The following KCNQ1 variants were observed in gnomAD, a reference collection of about 807,000 sequenced individuals.
KCNQ1 encodes the protein potassium voltage-gated channel subfamily Q member 1.
Under a neutral mutation model 72.4 loss-of-function variants are expected in KCNQ1, and 49 were observed. That is an observed-to-expected ratio of 0.68 (90% CI 0.54 to 0.86). The LOEUF is 0.86. Ranked by LOEUF, KCNQ1 falls within the 40% of genes least tolerant of loss-of-function variation. The pLI is 0.00. For synonymous variants in KCNQ1, 450 were observed against 412.6 expected (o/e 1.09, Z -1.10); for missense variants, 790 against 945.1 (o/e 0.84, Z 2.15).
intron 15 of KCNQ1, among the ~76,000 whole-genome samples, chr11:2,792,600 C>A (rs982154454): frequency 2.6e-5 from 4 of 152,300 alleles, no homozygotes; most frequent in Non-Finnish European, 5.9e-5. Context: ...CTATGGATAT[C>A]TAGAGGAAGA....
intron 2 of KCNQ1, among the ~76,000 whole-genome samples, chr11:2,534,054 G>A (rs768470907): frequency 3.0e-4 from 46 of 152,156 alleles, no homozygotes; most frequent in Non-Finnish European, 6.0e-4. Flanking sequence ...AGCCTCCACT[G>A]CCTGGGTTTC....
At chr11:2,594,833 C>T (rs932815351) in intron 10 of KCNQ1, among the ~76,000 whole-genome samples, 2 of 152,166 alleles carry the variant, frequency 1.3e-5, no homozygotes, top group African/African-American at 4.8e-5. Flanking sequence ...TCTATCCTGT[C>T]ATTTCATCAT....
chr11:2,561,229 A>T (rs1273129442), intron 2 of KCNQ1, among the ~76,000 whole-genome samples: 2 of 151,794 alleles, frequency 1.3e-5, no homozygotes, highest in Non-Finnish European at 2.9e-5. Context: ...AAAAAGAAAA[A>T]AAAGGAACTC....
chr11:2,717,678 G>A (rs1851116161), intron 11 of KCNQ1, among the ~76,000 whole-genome samples: 1 of 152,208 alleles, frequency 6.6e-6, no homozygotes, highest in Non-Finnish European at 1.5e-5. Context: ...TCTTAATTTT[G>A]TTTTAAACAC....
intron 15 of KCNQ1, among the ~76,000 whole-genome samples, chr11:2,804,289 C>A (rs758132302): frequency 5.9e-5 from 9 of 152,280 alleles, no homozygotes; most frequent in Admixed American, 2.0e-4. Context: ...CCTCCTGCAA[C>A]GTCATTTTGC....
chr11:2,793,710 A>G (rs901973570), intron 15 of KCNQ1, among the ~76,000 whole-genome samples: 7 of 152,200 alleles, frequency 4.6e-5, no homozygotes, highest in Non-Finnish European at 8.8e-5. Flanking sequence ...AGCAGAAAGG[A>G]AAAAAGCAAA....
At chr11:2,739,365 C>T (rs1284132184) in intron 11 of KCNQ1, among the ~76,000 whole-genome samples, 4 of 152,200 alleles carry the variant, frequency 2.6e-5, no homozygotes, top group Non-Finnish European at 5.9e-5. Context: ...AACACATGTG[C>T]ACCCGGCAGT....
At chr11:2,461,418 C>A in intron 1 of KCNQ1, 1 of 1,277,024 alleles carries the variant, frequency 7.8e-7, no homozygotes, top group Non-Finnish European at 1.0e-6. Flanking sequence ...GGTGAGCCGG[C>A]CGGGGCGGGG....
Position 2,541,332 on chromosome 11 carries a change from A to G in KCNQ1, c.477+13314A>G, listed in dbSNP as rs946162543. On this transcript the variant is annotated intron_variant, in intron 2 of 15. Transcript: ENST00000155840. This position sits in a 1 kb window ranked among gnomAD's most constrained non-coding sequence, Gnocchi z 4.8. ...GAATGATGCGTGCATTCAGAGCAGC[A>G]TTTGGTGGGGAACCTGGGGGAAGGG... Among the ~76,000 whole-genome samples the G allele has an allele frequency of 6.6e-6, 1 of 152,202 alleles. No individual in the cohort carries two copies. Among genetic ancestry groups the G allele is most frequent in the Non-Finnish European group, 1.5e-5 (1 of 68,040 alleles).
At chr11:2,838,599 T>C (rs1301094992) in intron 15 of KCNQ1, among the ~76,000 whole-genome samples, 5 of 151,912 alleles carry the variant, frequency 3.3e-5, no homozygotes, top group Non-Finnish European at 7.4e-5. Context: ...GCTGGTGCGC[T>C]CAGAGGTTCC....
Position 2,762,709 on chromosome 11 carries a change from A to C in KCNQ1, c.1515-6135A>C, listed in dbSNP as rs529625955. On this transcript the variant is annotated intron_variant, in intron 11 of 15. Coordinates refer to ENST00000155840, the MANE Select transcript of KCNQ1 (RefSeq NM_000218.3). The surrounding 1 kb of genome is among the most constrained non-coding windows in gnomAD (Gnocchi z 4.3). Reference sequence around the variant, plus strand: ...TCGCAGGAGCGCGAACCCTGTTGTGAATGCACATGTGAGGGGTCTAGGCTG... The same window carrying C: ...TCGCAGGAGCGCGAACCCTGTTGTGCATGCACATGTGAGGGGTCTAGGCTG... 6.6e-6 allele frequency among the ~76,000 whole-genome samples: 1 copy of C among 152,326 alleles called. No homozygotes were observed. Among genetic ancestry groups the C allele is most frequent in the Non-Finnish European group, 1.5e-5 (1 of 68,028 alleles).
chr11:2,660,741 G>T (rs1849938690), intron 10 of KCNQ1: 2 of 398,510 alleles, frequency 5.0e-6, no homozygotes, highest in South Asian at 2.5e-4. Flanking sequence ...ATTCAGGCAT[G>T]GATGTGGGAA....
chr11:2,617,225 T>C lies in KCNQ1; in HGVS notation c.1393+28371T>C, dbSNP rs1849082284. 5.0e-6 allele frequency: 2 copies of C among 398,262 alleles called. No individual in the cohort carries two copies. The highest frequency in any genetic ancestry group is 8.9e-6 in the Non-Finnish European group (2 of 225,928). 24.7% of individuals were successfully genotyped at this position (398,262 alleles called of 1,614,324 possible). On this transcript the variant is annotated intron_variant, in intron 10 of 15. Coordinates refer to ENST00000155840, the MANE Select transcript of KCNQ1 (RefSeq NM_000218.3). The surrounding 1 kb of genome is among the most constrained non-coding windows in gnomAD (Gnocchi z 4.6). ...TATCCTTTGACCTACATCTTTCCAT[T>C]TTCTTCCCCCACACCTTGCCCATGG...
rs966058967 is a variant in KCNQ1 at position 2,645,110 on chromosome 11, T to G, written c.1394-16851T>G. 1 of 398,478 alleles carries G rather than the reference T, an allele frequency of 2.5e-6. No individual in the cohort carries two copies. Among genetic ancestry groups the G allele is most frequent in the Non-Finnish European group, 4.4e-6 (1 of 226,090 alleles). The allele number at this position is 398,478 out of a possible 1,614,324, so 24.7% of individuals were successfully genotyped here. On this transcript the variant is annotated intron_variant, in intron 10 of 15. Transcript: ENST00000155840. The surrounding 1 kb of genome is among the most constrained non-coding windows in gnomAD (Gnocchi z 5.8). ...GTCCTTGAGCTCTGAGCAGCAGATATGGCTTGGGCAATGGCAGTAGCAGTG... is the reference window on the plus strand; with the variant it reads ...GTCCTTGAGCTCTGAGCAGCAGATAGGGCTTGGGCAATGGCAGTAGCAGTG...
intron 1 of KCNQ1, among the ~76,000 whole-genome samples, chr11:2,480,543 G>A (rs528726711): frequency 1.0e-3 from 154 of 152,326 alleles, no homozygotes; most frequent in Non-Finnish European, 2.0e-3. Flanking sequence ...CTGCCCCCAT[G>A]GTTCAATTAT....
rs34433807 is a variant in KCNQ1 at position 2,664,762 on chromosome 11, A to AG, written c.1514+2686dup. 759 of 398,758 alleles carry AG rather than the reference A, an allele frequency of 1.9e-3. 11 individuals carry two copies. Among genetic ancestry groups the AG allele is most frequent in the African/African-American group, 0.014 (698 of 48,720 alleles). 24.7% of individuals were successfully genotyped at this position (398,758 alleles called of 1,614,324 possible). A position where few individuals can be genotyped will look rare whatever the true frequency, so the allele number is the denominator to read the frequency against. ...ACAGGGATGTGTGCTGGGGTCTCAC[A>AG]GGGGGCAGAGTGGGTGGGAGGCAGT... On this transcript the variant is annotated intron_variant, in intron 11 of 15. Transcript: ENST00000155840. The surrounding 1 kb of genome is among the most constrained non-coding windows in gnomAD (Gnocchi z 5.1).
At chr11:2,719,331 C>CAAAAAA (rs34225799) in intron 11 of KCNQ1, among the ~76,000 whole-genome samples, 2 of 125,992 alleles carry the variant, frequency 1.6e-5, no homozygotes, top group African/African-American at 3.1e-5. Context: ...CTGTCTCTAC[C>CAAAAAA]AAAAAAAAAA....
chr11:2,471,893 GGT>G lies in KCNQ1; in HGVS notation c.386+26416_386+26417del, dbSNP rs1264127567. On this transcript the variant is annotated intron_variant, in intron 1 of 15. Coordinates refer to ENST00000155840, the MANE Select transcript of KCNQ1 (RefSeq NM_000218.3). The surrounding 1 kb of genome is among the most constrained non-coding windows in gnomAD (Gnocchi z 4.8). ...ATGGGTGTGTGTGCACATGTGTATA[GGT>G]GTGTGTATGCGTGCACCTATGTGTG... Among the ~76,000 whole-genome samples the G allele has an allele frequency of 2.7e-5, 4 of 148,694 alleles. No individual in the cohort carries two copies. The highest frequency in any genetic ancestry group is 2.7e-4 in the Admixed American group (4 of 14,998).
rs1428532543 is a variant in KCNQ1, at chr11:2,803,152, G to A, written c.1794+25115G>A. Among the ~76,000 whole-genome samples, 23 of 58,548 alleles carry A rather than the reference G, an allele frequency of 3.9e-4. No individual in the cohort carries two copies. Among genetic ancestry groups the A allele is most frequent in the Admixed American group, 2.1e-3 (16 of 7,776 alleles). 38.4% of individuals were successfully genotyped at this position (58,548 alleles called of 152,430 possible). A position where few individuals can be genotyped will look rare whatever the true frequency, so the allele number is the denominator to read the frequency against. On this transcript the variant is annotated intron_variant, in intron 15 of 15. Transcript: ENST00000155840. The surrounding 1 kb of genome is among the most constrained non-coding windows in gnomAD (Gnocchi z 6.4). Reference sequence around the variant, plus strand: ...TCAGGGTAGCCCAGAAAACCCAGCCGGGCCCCCCCCCCCACGGGCACCCAG... The same window carrying A: ...TCAGGGTAGCCCAGAAAACCCAGCCAGGCCCCCCCCCCCACGGGCACCCAG...
Sources: allele counts gnomAD v4.1 joint callset (sites outside exome capture counted in the v4.1 genomes callset), GRCh38; gene constraint gnomAD v4.1.1; non-coding constraint Gnocchi (gnomAD v3.1); transcripts MANE v1.5; gene names NCBI Gene and HGNC (gene_info 2026-07-23, HGNC 2026-07-21).